The following TMEM108 variants were observed in gnomAD, a reference collection of about 807,000 sequenced individuals.
TMEM108 encodes the protein cancer/testis antigen 124.
TMEM108 carries 12 observed loss-of-function variants against 35.1 expected under a neutral mutation model. The observed-to-expected ratio is 0.34, with a 90% CI of 0.22 to 0.55. The LOEUF is 0.55. Among genes scored for constraint, TMEM108 ranks in the 20% least tolerant of loss-of-function variants. TMEM108 has a pLI of 0.89. For synonymous variants in TMEM108, 287 were observed against 308.6 expected, an observed-to-expected ratio of 0.93 and a Z score of 0.73; for missense variants, 680 against 753.3, an observed-to-expected ratio of 0.90 and a Z score of 1.14.
intron 2 of TMEM108, among the ~76,000 whole-genome samples, chr3:133,148,852 C>G (rs1394037737): frequency 6.6e-6 from 1 of 151,988 alleles, no homozygotes; most frequent in East Asian, 1.9e-4. Context: ...ATAAAATCAG[C>G]CAGGCATGGT....
chr3:133,352,692 G>A lies in TMEM108; in HGVS notation c.41-27060G>A, dbSNP rs549177676. Among the ~76,000 whole-genome samples the A allele has an allele frequency of 1.8e-4, 28 of 152,286 alleles. No individual in the cohort carries two copies. In the South Asian group the frequency reaches 5.2e-3, roughly 28 times the overall value. ...ACTCAGGAACAGCCAGAAAGAAGAC[G>A]TGCCTAGGGCAAGGTATATGGGAGG... On this transcript the variant is annotated intron_variant, in intron 3 of 5. Coordinates refer to ENST00000321871, the MANE Select transcript of TMEM108 (RefSeq NM_023943.4).
chr3:133,102,969 A>G (rs1397788113), intron 2 of TMEM108, among the ~76,000 whole-genome samples: 1 of 152,210 alleles, frequency 6.6e-6, no homozygotes, highest in African/African-American at 2.4e-5. Flanking sequence ...GAGAAAAAGG[A>G]ACACTTAAAC....
chr3:133,241,545 C>T lies in TMEM108; in HGVS notation c.40+12194C>T, dbSNP rs549345544. On this transcript the variant is annotated intron_variant, in intron 3 of 5. Coordinates refer to ENST00000321871, the MANE Select transcript of TMEM108 (RefSeq NM_023943.4). ...CTGTGGGCAGCCGCATTGCTCATGT[C>T]CTCCAGAGCATCTTCATCAGTTTCC... Among the ~76,000 whole-genome samples, 4 of 151,416 alleles carry T rather than the reference C, an allele frequency of 2.6e-5. No individual in the cohort carries two copies. In the South Asian group the frequency reaches 6.3e-4, roughly 24 times the overall value.
chr3:133,257,194 C>T (rs1479344554), intron 3 of TMEM108: 4 of 152,194 alleles, frequency 2.6e-5, no homozygotes, highest in Non-Finnish European at 5.9e-5. Context: ...ACCTCTTTTA[C>T]AACTCAGGAT....
In TMEM108 at chr3:133,238,861, C is replaced by T. The variant is rs182207550; in HGVS notation, c.40+9510C>T. Among the ~76,000 whole-genome samples the T allele has an allele frequency of 5.2e-4, 79 of 152,266 alleles. 1 individual carries two copies. In the East Asian group the frequency reaches 0.015, roughly 28 times the overall value. ...CTTTTAGATGTTACAGACAATCATA[C>T]AGATATTGCCATTCTGTATACATAA... On this transcript the variant is annotated intron_variant, in intron 3 of 5. Transcript: ENST00000321871.
At chr3:133,195,454 G>A (rs114385375) in intron 2 of TMEM108, among the ~76,000 whole-genome samples, 226 of 152,080 alleles carry the variant, frequency 1.5e-3, no homozygotes, top group African/African-American at 5.0e-3. Flanking sequence ...TCTTCTTTAT[G>A]TGGGTTTCCC....
intron 3 of TMEM108, among the ~76,000 whole-genome samples, chr3:133,260,604 G>T (rs1169165704): frequency 2.0e-5 from 3 of 152,110 alleles, no homozygotes; most frequent in Non-Finnish European, 4.4e-5. Flanking sequence ...TATGCATGCA[G>T]TTGGGCAGCA....
chr3:133,154,509 C>T (rs1283742916), intron 2 of TMEM108, among the ~76,000 whole-genome samples: 6 of 152,162 alleles, frequency 3.9e-5, no homozygotes, highest in African/African-American at 1.4e-4. Flanking sequence ...GGCACATATA[C>T]ACCATGGAAT....
chr3:133,045,082 C>T (rs1232166091), intron 1 of TMEM108, among the ~76,000 whole-genome samples: 4 of 152,120 alleles, frequency 2.6e-5, no homozygotes, highest in South Asian at 2.1e-4. Context: ...ATTCTCCTGC[C>T]TCAGCCTCCC....
chr3:133,132,251 T>C (rs1482007842), intron 2 of TMEM108, among the ~76,000 whole-genome samples: 2 of 152,184 alleles, frequency 1.3e-5, no homozygotes, highest in Admixed American at 6.5e-5. Flanking sequence ...GAAGATGACA[T>C]CTAGGACTTT....
chr3:133,147,964 A>G (rs967463223), intron 2 of TMEM108, among the ~76,000 whole-genome samples: 1 of 152,198 alleles, frequency 6.6e-6, no homozygotes, highest in African/African-American at 2.4e-5. Flanking sequence ...GAATGCCGTG[A>G]TAAATCCTAT....
chr3:133,122,646 G>A (rs1010754927), intron 2 of TMEM108, among the ~76,000 whole-genome samples: 3 of 151,962 alleles, frequency 2.0e-5, no homozygotes, highest in Admixed American at 2.0e-4. Context: ...TGGACGGATC[G>A]AGGTCAGGAG....
chr3:133,344,227 A>C (rs75891305), intron 3 of TMEM108, among the ~76,000 whole-genome samples: 2,612 of 152,036 alleles, frequency 0.017, 65 homozygotes, highest in African/African-American at 0.058. Flanking sequence ...TTAAAAAATA[A>C]AAAATTTAAA....
At chr3:133,281,216 G>T (rs985284585) in intron 3 of TMEM108, among the ~76,000 whole-genome samples, 7 of 152,212 alleles carry the variant, frequency 4.6e-5, no homozygotes, top group Non-Finnish European at 1.0e-4. Flanking sequence ...AAAAAGAGAG[G>T]ATGGGAATCA....
At chr3:133,335,021 T>C (rs1156626995) in intron 3 of TMEM108, among the ~76,000 whole-genome samples, 1 of 152,230 alleles carries the variant, frequency 6.6e-6, no homozygotes, top group Non-Finnish European at 1.5e-5. Flanking sequence ...CAGAGTTTCA[T>C]ATTTGTAATT....
At chr3:133,166,855 T>G (rs1368418332) in intron 2 of TMEM108, among the ~76,000 whole-genome samples, 2 of 152,242 alleles carry the variant, frequency 1.3e-5, no homozygotes, top group South Asian at 2.1e-4. Flanking sequence ...GGCAGCCTGC[T>G]TTTATTCCCT....
At chr3:133,181,413 G>C (rs1478472261) in intron 2 of TMEM108, among the ~76,000 whole-genome samples, 4 of 152,194 alleles carry the variant, frequency 2.6e-5, no homozygotes, top group African/African-American at 7.2e-5. Flanking sequence ...TATCAGGAAA[G>C]TGTATGTGTG....
chr3:133,152,843 G>A (rs73007493), intron 2 of TMEM108, among the ~76,000 whole-genome samples: 2,333 of 152,146 alleles, frequency 0.015, 48 homozygotes, highest in African/African-American at 0.053. Flanking sequence ...ATTCAGTGTA[G>A]CAATTAAGGG....
intron 3 of TMEM108, among the ~76,000 whole-genome samples, chr3:133,301,011 C>G (rs1330089761): frequency 7.4e-5 from 5 of 67,144 alleles, no homozygotes; most frequent in African/African-American, 2.0e-4. Context: ...CACACACACA[C>G]ACACACACAC....
Sources: allele counts gnomAD v4.1 joint callset (sites outside exome capture counted in the v4.1 genomes callset), GRCh38; gene constraint gnomAD v4.1.1; transcripts MANE v1.5; gene names NCBI Gene and HGNC (gene_info 2026-07-23, HGNC 2026-07-21).